Variants in ADAM28 observed in about 807,000 individuals in gnomAD.
The protein encoded by ADAM28 is disintegrin and metalloproteinase domain-containing protein 28.
ADAM28 carries 105 observed loss-of-function variants against 101.2 expected under a neutral mutation model. The observed-to-expected ratio is 1.04, with a 90% CI of 0.89 to 1.22. The LOEUF is 1.22. Ranked by LOEUF, ADAM28 falls within the 50% of genes most tolerant of loss-of-function variation. The pLI is 0.00. For missense variants in ADAM28, 1,028 were observed against 945.4 expected (o/e 1.09, Z -1.15); for synonymous variants, 322 against 310.6 (o/e 1.04, Z -0.39).
rs900320805 is a variant in ADAM28, at chr8:24,322,722, A to G, written c.721-1112A>G. On this transcript the variant is annotated intron_variant, in intron 8 of 22. Transcript: ENST00000265769. The stretch of plus-strand genomic sequence containing the variant: ...TGAGGAAATAATCCAGTGAAGGATG[A>G]TAACATGGCTGGATTTTAACTTCAC... 2.6e-5 allele frequency: 4 copies of G among 151,996 alleles called. No homozygotes were observed. In the East Asian group the frequency reaches 7.7e-4, roughly 29 times the overall value. 9.4% of individuals were successfully genotyped at this position (151,996 alleles called of 1,614,324 possible).
chr8:24,294,222 C>A (rs1807658764), intron 1 of ADAM28, 27 bp downstream of exon 1: 1 of 1,612,316 alleles, frequency 6.2e-7, no homozygotes, highest in African/African-American at 1.3e-5. Context: ...TTTTCAGGTT[C>A]TATTGAATGC....
intron 4 of ADAM28, among the ~76,000 whole-genome samples, chr8:24,310,685 G>A (rs1404375770): frequency 1.3e-5 from 2 of 152,118 alleles, no homozygotes; most frequent in African/African-American, 4.8e-5. Flanking sequence ...AGATGACAGT[G>A]TGTAGCCATG....
chr8:24,342,042 C>A (rs1378597406), intron 16 of ADAM28, among the ~76,000 whole-genome samples: 1 of 152,174 alleles, frequency 6.6e-6, no homozygotes, highest in Admixed American at 6.5e-5. Context: ...ATCATATCGT[C>A]ATGCAGATAA....
chr8:24,316,609 A>G (rs778647674), intron 6 of ADAM28, among the ~76,000 whole-genome samples: 32 of 152,160 alleles, frequency 2.1e-4, no homozygotes, highest in Non-Finnish European at 3.7e-4. Context: ...AAAGCCATTT[A>G]TGGAAAGCCG....
chr8:24,308,843 G>T, intron 2 of ADAM28: 1 of 374,612 alleles, frequency 2.7e-6, no homozygotes, highest in Non-Finnish European at 5.3e-6. Flanking sequence ...ATTCTAACAT[G>T]CCTTGTCTGT....
At chr8:24,353,132 G>A (rs1816365303) in intron 21 of ADAM28, among the ~76,000 whole-genome samples, 1 of 152,078 alleles carries the variant, frequency 6.6e-6, no homozygotes, top group South Asian at 2.1e-4. Flanking sequence ...TTGCTGTTAT[G>A]CAATTATTGA....
chr8:24,310,174 C>T lies in ADAM28; in HGVS notation c.239C>T (p.Ala80Val). 6.2e-7 allele frequency: 1 copy of T among 1,613,362 alleles called. No individual in the cohort carries two copies. The highest frequency in any genetic ancestry group is 2.2e-5 in the East Asian group (1 of 44,830). ...GTTTCTTTCTCCAGGAACCTCCTTG[C>T]ACCAGGCTACACGGAAACATATTAT... is the stretch of plus-strand genomic sequence containing the variant. ...LYLKKNKNLL[A>V]PGYTETYYNS... Residue 80 changes from alanine to valine, a missense_variant, in exon 4 of 23, where the codon GCA becomes GTA. By Grantham distance (64) the Ala-to-Val change is moderately conservative. Transcript: ENST00000265769.
rs149617278 is a variant in ADAM28 at position 24,301,329 on chromosome 8, T to C, written c.150+1252T>C. On this transcript the variant is annotated intron_variant, in intron 2 of 22. Coordinates refer to ENST00000265769, the MANE Select transcript of ADAM28 (RefSeq NM_014265.6). ...ACTTTCTTCAAATGCTCTCTAAGAC[T>C]TTCTTTAAAATGTCAGACACCTTTT... Among the ~76,000 whole-genome samples the C allele has an allele frequency of 3.9e-5, 6 of 152,316 alleles. No individual in the cohort carries two copies. The East Asian group carries it at 1.2e-3, about 29-fold the overall frequency.
At chr8:24,343,057 C>T (rs368494146) in intron 16 of ADAM28, 44 bp from the exon 17 acceptor site, 66 of 1,612,232 alleles carry the variant, frequency 4.1e-5, no homozygotes, top group African/African-American at 1.3e-4. Context: ...TTCTCATCTA[C>T]GTTCAGAGAA....
chr8:24,343,064 A>G, intron 16 of ADAM28, 37 bp from the exon 17 acceptor site: 1 of 1,613,170 alleles, frequency 6.2e-7, no homozygotes, highest in Non-Finnish European at 8.5e-7. Flanking sequence ...CTACGTTCAG[A>G]GAAGATGAAG....
In ADAM28 at chr8:24,323,987, A is replaced by G. The variant is rs745392809; in HGVS notation, c.874A>G (p.Ile292Val). Residue 292 changes from isoleucine to valine, a missense_variant, in exon 9 of 23, where the codon ATT (isoleucine) becomes GTT (valine). Coordinates refer to ENST00000265769, the MANE Select transcript of ADAM28 (RefSeq NM_014265.6). ...SVLSRRKRHD[I>V]AQLITATELA... Reference sequence around the variant, plus strand: ...TCTCTCAAGAAGAAAGCGTCATGATATTGCTCAGTTAATCACGTATGTACA... The same window carrying G: ...TCTCTCAAGAAGAAAGCGTCATGATGTTGCTCAGTTAATCACGTATGTACA... 1 of 1,611,848 alleles carries G rather than the reference A, an allele frequency of 6.2e-7. No individual in the cohort carries two copies. Among genetic ancestry groups the G allele is most frequent in the Non-Finnish European group, 8.5e-7 (1 of 1,178,580 alleles).
chr8:24,301,247 A>C (rs1359906220), intron 2 of ADAM28, among the ~76,000 whole-genome samples: 1 of 152,180 alleles, frequency 6.6e-6, no homozygotes, highest in Admixed American at 6.5e-5. Flanking sequence ...ATTATCAACC[A>C]AGTGGTTTCA....
chr8:24,318,907 A>T (rs1419741853), intron 6 of ADAM28, among the ~76,000 whole-genome samples: 1 of 151,930 alleles, frequency 6.6e-6, no homozygotes, highest in African/African-American at 2.4e-5. Flanking sequence ...ATCCAGTGCT[A>T]TTTTTATTGT....
At chr8:24,304,368 T>C (rs548298767) in intron 2 of ADAM28, among the ~76,000 whole-genome samples, 4 of 152,016 alleles carry the variant, frequency 2.6e-5, no homozygotes, top group African/African-American at 4.8e-5. Flanking sequence ...TCCTGATCCA[T>C]AGTGCAAGTA....
intron 18 of ADAM28, among the ~76,000 whole-genome samples, chr8:24,345,028 CAA>C (rs199510483): frequency 8.7e-5 from 11 of 126,794 alleles, no homozygotes; most frequent in East Asian, 4.3e-4. Flanking sequence ...TATTTAATGT[CAA>C]AAAAAAAAAA....
rs540987884 is a variant in ADAM28 at position 24,333,117 on chromosome 8, C to T, written c.1371+368C>T. ...CTCACTTGTATGTGGAATCCAAAAACGTTGAATACACGCAAACAGAGTAGA... is the reference window on the plus strand; with the variant it reads ...CTCACTTGTATGTGGAATCCAAAAATGTTGAATACACGCAAACAGAGTAGA... On this transcript the variant is annotated intron_variant, in intron 13 of 22. Transcript: ENST00000265769. Among the ~76,000 whole-genome samples, 19 of 152,232 alleles carry T rather than the reference C, an allele frequency of 1.2e-4. 1 individual carries two copies. Among genetic ancestry groups the T allele is most frequent in the African/African-American group, 4.3e-4 (18 of 41,552 alleles).
At chr8:24,343,075 C>T (rs1298824698) in intron 16 of ADAM28, 26 bp from the exon 17 acceptor site, 2 of 1,613,344 alleles carry the variant, frequency 1.2e-6, no homozygotes, top group South Asian at 1.1e-5. Context: ...GAAGATGAAG[C>T]TTCATGTTTT....
chr8:24,324,874 T>A (rs769431074), intron 9 of ADAM28, among the ~76,000 whole-genome samples: 5 of 151,954 alleles, frequency 3.3e-5, no homozygotes, highest in South Asian at 2.1e-4. Context: ...GAATAAGCAT[T>A]TCAAGAGGCA....
Position 24,341,399 on chromosome 8 carries a change from A to G in ADAM28, c.1671-199A>G, listed in dbSNP as rs1295637850. 5.4e-6 allele frequency: 3 copies of G among 555,720 alleles called. No individual in the cohort carries two copies. The African/African-American group carries it at 5.8e-5, about 11-fold the overall frequency. The allele number at this position is 555,720 out of a possible 1,614,324, so 34.4% of individuals were successfully genotyped here. Reference sequence around the variant, plus strand: ...AATTAGGTGTACAGGGATCTAGGTAATACTGTTTATTTGAGCAATAATATA... The same window carrying G: ...AATTAGGTGTACAGGGATCTAGGTAGTACTGTTTATTTGAGCAATAATATA... On this transcript the variant is annotated intron_variant, in intron 15 of 22. Transcript: ENST00000265769.
Sources: gnomAD v4.1 joint callset for allele counts (sites outside exome capture counted in the v4.1 genomes callset) on GRCh38, gnomAD v4.1.1 for gene constraint, MANE v1.5 for transcripts, NCBI Gene and HGNC (gene_info 2026-07-23, HGNC 2026-07-21) for gene names.